The following PADI3 variants were observed in gnomAD, a reference collection of about 807,000 sequenced individuals.
The protein encoded by PADI3 is protein-arginine deiminase type-3.
PADI3 carries 53 observed loss-of-function variants against 71.5 expected under a neutral mutation model. The observed-to-expected ratio is 0.74, with a 90% CI of 0.59 to 0.93. The LOEUF is 0.93. Among genes scored for constraint, PADI3 ranks in the 40% least tolerant of loss-of-function variants. The pLI is 0.00. For synonymous variants in PADI3, 361 were observed against 347.5 expected (o/e 1.04, Z -0.43); for missense variants, 821 against 868.0 (o/e 0.95, Z 0.68).
intron 13 of PADI3, among the ~76,000 whole-genome samples, chr1:17,277,255 C>T (rs1291714049): frequency 1.3e-5 from 2 of 151,762 alleles, no homozygotes; most frequent in African/African-American, 4.8e-5. Context: ...AGTGCAATGG[C>T]GTGATCTCCA....
At chr1:17,270,577 G>A (rs2073234182) in intron 7 of PADI3, among the ~76,000 whole-genome samples, 166 bp downstream of exon 7, 2 of 151,814 alleles carry the variant, frequency 1.3e-5, no homozygotes, top group African/African-American at 4.8e-5. Context: ...GAACCCCAGG[G>A]AGGTTGAGGT....
At position 17,270,306 on chromosome 1, in the gene PADI3, G is replaced by A; in HGVS notation, c.726G>A (p.Leu242=). 1.2e-6 allele frequency: 2 copies of A among 1,613,992 alleles called. No homozygotes were observed. Among genetic ancestry groups the A allele is most frequent in the Non-Finnish European group, 1.7e-6 (2 of 1,179,994 alleles). The change falls in exon 7 of 16, where the codon TTG becomes TTA. Residue 242 remains leucine (L), a synonymous_variant. Transcript: ENST00000375460. ...QDKVSYEVPR[L]HGDEERFFVE... is the part of the protein sequence containing the mutation. ...AGGTGTCCTATGAGGTACCCCGCTT[G>A]CATGGGGATGAGGAGCGCTTCTTCG...
Position 17,280,369 on chromosome 1 carries a change from C to T in PADI3, c.1575C>T (p.Thr525=). The T allele has an allele frequency of 1.9e-6, 3 of 1,613,924 alleles. No homozygotes were observed. The East Asian group carries it at 6.7e-5, about 36-fold the overall frequency. Residue 525 remains threonine, a synonymous_variant, in exon 14 of 16, where the codon ACC becomes ACT. Transcript: ENST00000375460. The stretch of plus-strand genomic sequence containing the variant: ...TCACAGATGATGAGCAGGTCAAGAC[C>T]ATCTCCATCAACCAGGTGCTCTCCA... The part of the protein sequence containing the change: ...QGVVDDEQVK[T]ISINQVLSNK...
intron 2 of PADI3, among the ~76,000 whole-genome samples, chr1:17,261,817 A>C (rs1407504167): frequency 6.6e-6 from 1 of 152,202 alleles, no homozygotes; most frequent in Admixed American, 6.5e-5. Flanking sequence ...GAGTGTCCCC[A>C]AACCCTGCCC....
intron 1 of PADI3, among the ~76,000 whole-genome samples, chr1:17,252,836 A>G (rs1333614043): frequency 6.6e-6 from 1 of 152,130 alleles, no homozygotes; most frequent in Non-Finnish European, 1.5e-5. Context: ...TTCCCATAAC[A>G]TGTGGAGATG....
chr1:17,280,377 T>A lies in PADI3; in HGVS notation c.1583T>A (p.Ile528Asn). 1 of 1,614,146 alleles carries A rather than the reference T, an allele frequency of 6.2e-7. No individual in the cohort carries two copies. The highest frequency in any genetic ancestry group is 8.5e-7 in the Non-Finnish European group (1 of 1,179,946). The change falls in exon 14 of 16, where the codon ATC becomes AAC. Residue 528 changes from isoleucine to asparagine, a missense_variant. Transcript: ENST00000375460. ...GATGAGCAGGTCAAGACCATCTCCA[T>A]CAACCAGGTGCTCTCCAATAAAGAC... Reference protein sequence around the residue: ...VDDEQVKTISINQVLSNKDLI... With the variant: ...VDDEQVKTISNNQVLSNKDLI...
intron 14 of PADI3, 88 bp from the exon 15 acceptor site, chr1:17,280,583 G>A: frequency 6.3e-7 from 1 of 1,589,030 alleles, no homozygotes; most frequent in South Asian, 1.1e-5. Flanking sequence ...TTTTGACCCA[G>A]AAGAAGTGAG....
intron 5 of PADI3, 24 bp from the exon 6 acceptor site, chr1:17,267,813 C>T (rs1200612835): frequency 1.2e-6 from 2 of 1,611,956 alleles, no homozygotes; most frequent in South Asian, 1.1e-5. Context: ...CCTTGAGTCA[C>T]TACCACTCTG....
At chr1:17,260,610 G>C (rs1431098937) in intron 2 of PADI3, among the ~76,000 whole-genome samples, 1 of 152,204 alleles carries the variant, frequency 6.6e-6, no homozygotes, top group Non-Finnish European at 1.5e-5. Flanking sequence ...AGGAGAGCTA[G>C]AATTCAGTGC....
At chr1:17,265,432 G>C (rs1283374219) in intron 3 of PADI3, among the ~76,000 whole-genome samples, 2 of 152,174 alleles carry the variant, frequency 1.3e-5, no homozygotes, top group East Asian at 3.9e-4. Flanking sequence ...AGTGGTCAGG[G>C]AAGTCTCCCT....
Position 17,249,131 on chromosome 1 carries a change from C to T in PADI3, c.-7C>T. The T allele has an allele frequency of 6.2e-7, 1 of 1,613,838 alleles. No individual in the cohort carries two copies. The highest frequency in any genetic ancestry group is 1.1e-5 in the South Asian group (1 of 91,076). On this transcript the variant is annotated 5_prime_UTR_variant, in exon 1 of 16. Transcript: ENST00000375460. The stretch of plus-strand genomic sequence containing the variant: ...GGTTGGCGGCCACAGCTAAGTCCAA[C>T]ACCAGCATGTCGCTGCAGAGAATCG...
chr1:17,249,315 C>A, intron 1 of PADI3, 86 bp downstream of exon 1: 1 of 1,083,732 alleles, frequency 9.2e-7, no homozygotes, highest in Non-Finnish European at 1.4e-6. Flanking sequence ...AGGGCTTCTT[C>A]AGGGCCCACT....
chr1:17,272,534 GTC>G (rs2073269564), intron 9 of PADI3, among the ~76,000 whole-genome samples: 1 of 152,056 alleles, frequency 6.6e-6, no homozygotes, highest in Non-Finnish European at 1.5e-5. Context: ...TGGAGACAGT[GTC>G]TCTCTGTCAC....
In PADI3 at chr1:17,283,405, T is replaced by A. The variant is rs945368776; in HGVS notation, c.*326T>A. 3 of 291,144 alleles carry A rather than the reference T, an allele frequency of 1.0e-5. No homozygotes were observed. Among genetic ancestry groups the A allele is most frequent in the Admixed American group, 4.8e-5 (1 of 20,906 alleles). The allele number at this position is 291,144 out of a possible 1,614,324, so 18.0% of individuals were successfully genotyped here. Reference sequence around the variant, plus strand: ...ATTTGGGGACAAATCCACATTGGGGTCTAGAAACATCCACGTATCTCATCA... The same window carrying A: ...ATTTGGGGACAAATCCACATTGGGGACTAGAAACATCCACGTATCTCATCA... On this transcript the variant is annotated 3_prime_UTR_variant, in exon 16 of 16. Transcript: ENST00000375460.
At chr1:17,280,615 T>A (rs1291613765) in intron 14 of PADI3, 56 bp from the exon 15 acceptor site, 2 of 1,610,502 alleles carry the variant, frequency 1.2e-6, no homozygotes, top group Non-Finnish European at 1.7e-6. Flanking sequence ...GATGCCTTGG[T>A]GCCCCCAAAA....
At chr1:17,280,629 A>G in intron 14 of PADI3, 42 bp from the exon 15 acceptor site, 1 of 1,613,310 alleles carries the variant, frequency 6.2e-7, no homozygotes, top group Non-Finnish European at 8.5e-7. Flanking sequence ...CCCAAAACAC[A>G]CTGGCAAGGT....
intron 5 of PADI3, among the ~76,000 whole-genome samples, chr1:17,267,210 C>T (rs957979458): frequency 6.6e-6 from 1 of 152,318 alleles, no homozygotes; most frequent in African/African-American, 2.4e-5. Context: ...GATGAGGATG[C>T]TGAGACTCAG....
At chr1:17,267,554 C>G (rs1360124675) in intron 5 of PADI3, among the ~76,000 whole-genome samples, 1 of 152,244 alleles carries the variant, frequency 6.6e-6, no homozygotes, top group African/African-American at 2.4e-5. Flanking sequence ...ACGACGCCCA[C>G]ATGGCCTTAC....
chr1:17,272,949 C>T (rs2977293), intron 9 of PADI3, among the ~76,000 whole-genome samples: 24,855 of 152,144 alleles, frequency 0.16, 2,438 homozygotes, highest in Non-Finnish European at 0.22. Context: ...TTCATTCACA[C>T]TGGGCCATCT....
Sources: gnomAD v4.1 joint callset for allele counts (sites outside exome capture counted in the v4.1 genomes callset) on GRCh38, gnomAD v4.1.1 for gene constraint, MANE v1.5 for transcripts, NCBI Gene and HGNC (gene_info 2026-07-23, HGNC 2026-07-21) for gene names.